Variants in DNAAF10 observed in about 807,000 individuals in gnomAD.
DNAAF10 encodes WD repeat domain 92.
In DNAAF10, 28 loss-of-function variants were observed where a neutral mutation model predicts 43.7. The observed-to-expected ratio is 0.64, with a 90% CI of 0.48 to 0.88. DNAAF10 has a LOEUF of 0.88. Among genes scored for constraint, DNAAF10 ranks in the 40% least tolerant of loss-of-function variants. The pLI, the probability that DNAAF10 is intolerant of heterozygous loss-of-function variation, is 0.00. For synonymous variants in DNAAF10, 156 were observed against 157.3 expected (o/e 0.99, Z 0.06); for missense variants, 403 against 439.1 (o/e 0.92, Z 0.73).
At chr2:68,155,772 A>G (rs983717101) in intron 1 of DNAAF10, among the ~76,000 whole-genome samples, 4 of 152,058 alleles carry the variant, frequency 2.6e-5, no homozygotes, top group Non-Finnish European at 5.9e-5. Flanking sequence ...GAAGGGCATC[A>G]TACATTAGAT....
rs1233788863 is a variant in DNAAF10, at chr2:68,157,168, G to A, written c.183+93C>T. 27 of 1,487,602 alleles carry A rather than the reference G, an allele frequency of 1.8e-5. No homozygotes were observed. The South Asian group carries it at 2.5e-4, about 14-fold the overall frequency. 92.2% of individuals were successfully genotyped at this position (1,487,602 alleles called of 1,614,324 possible). A position where few individuals can be genotyped will look rare whatever the true frequency, so the allele number is the denominator to read the frequency against. ...GCGCGGCTCAAGCCATGCTTTGGGG[G>A]ACGCTGGGCGAAGGCTCTGGCAAAG... On this transcript the variant is annotated intron_variant, in intron 1 of 7. Coordinates refer to ENST00000295121, the MANE Select transcript of DNAAF10 (RefSeq NM_138458.4).
chr2:68,143,487 T>C (rs1673240746), intron 3 of DNAAF10, among the ~76,000 whole-genome samples: 1 of 152,114 alleles, frequency 6.6e-6, no homozygotes, highest in Non-Finnish European at 1.5e-5. Flanking sequence ...CCAATAAATT[T>C]TTTAAAAAAT....
In DNAAF10 at chr2:68,131,454, A is replaced by C; in HGVS notation, c.867-9T>G. The stretch of plus-strand genomic sequence containing the variant: ...GCTGAATAGGGTATTCACTGAAAAC[A>C]AGATCAAAATGGTAAGAGCGCATAA... On this transcript the variant is annotated splice_polypyrimidine_tract_variant and intron_variant, in intron 7 of 7. Transcript: ENST00000295121. 6.2e-7 allele frequency: 1 copy of C among 1,613,336 alleles called. No individual in the cohort carries two copies.
chr2:68,134,746 G>C lies in DNAAF10; in HGVS notation c.822C>G (p.Leu274=), dbSNP rs1318341598. 6.2e-7 allele frequency: 1 copy of C among 1,609,460 alleles called. No homozygotes were observed. The change falls in exon 7 of 8, where the codon CTC becomes CTG. Residue 274 remains leucine, a synonymous_variant. Transcript: ENST00000295121. Reference sequence around the variant, plus strand: ...CGCCGGCGCCTCCAGCTGTCAGAAAGAGCTCCCTGTTCTGCGGCAGGTGTC... The same window carrying C: ...CGCCGGCGCCTCCAGCTGTCAGAAACAGCTCCCTGTTCTGCGGCAGGTGTC... ...QVRHLPQNRE[L]FLTAGGAGGL...
At position 68,133,847 on chromosome 2, in the gene DNAAF10, A is replaced by G. The variant is rs141126416; in HGVS notation, c.866+855T>C. Among the ~76,000 whole-genome samples, 803 of 152,326 alleles carry G rather than the reference A, an allele frequency of 5.3e-3. 9 individuals carry two copies. The highest frequency in any genetic ancestry group is 0.018 in the African/African-American group (764 of 41,572). On this transcript the variant is annotated intron_variant, in intron 7 of 7. Coordinates refer to ENST00000295121, the MANE Select transcript of DNAAF10 (RefSeq NM_138458.4). ...CTTTCCAACTGTAGCCCTGTTTTTC[A>G]GAACCCCTTCCAGCTTCTCAAAGGA... is the stretch of plus-strand genomic sequence containing the variant.
intron 6 of DNAAF10, among the ~76,000 whole-genome samples, chr2:68,136,220 GAA>G (rs1164483365): frequency 1.9e-5 from 1 of 52,642 alleles, no homozygotes; most frequent in African/African-American, 5.8e-5. Context: ...TCTGTCTCCA[GAA>G]AAAAAAAAAA....
chr2:68,155,466 C>T (rs1673573450), intron 1 of DNAAF10, among the ~76,000 whole-genome samples: 1 of 150,920 alleles, frequency 6.6e-6, no homozygotes, highest in Non-Finnish European at 1.5e-5. Flanking sequence ...TGCACTCAAG[C>T]TTGGGTGACA....
rs946155685 is a variant in DNAAF10 at position 68,154,270 on chromosome 2, G to A, written c.183+2991C>T. Among the ~76,000 whole-genome samples, 16 of 151,650 alleles carry A rather than the reference G, an allele frequency of 1.1e-4. No individual in the cohort carries two copies. The South Asian group carries it at 2.1e-3, about 20-fold the overall frequency. On this transcript the variant is annotated intron_variant, in intron 1 of 7. Transcript: ENST00000295121. Reference sequence around the variant, plus strand: ...TTTTTCTTTTTTTATTTTTTGAGACGGAGTCTTGCTCTGTCACCCACGCTG... The same window carrying A: ...TTTTTCTTTTTTTATTTTTTGAGACAGAGTCTTGCTCTGTCACCCACGCTG...
Position 68,137,392 on chromosome 2 carries a change from A to AC in DNAAF10, c.674_675insG (p.Asn225LysfsTer2). 6.2e-7 allele frequency: 1 copy of AC among 1,613,396 alleles called. No homozygotes were observed. Among genetic ancestry groups the AC allele is most frequent in the Non-Finnish European group, 8.5e-7 (1 of 1,179,692 alleles). The stretch of plus-strand genomic sequence containing the variant: ...CTTCCAGAGATGTGGCTACTAACTT[A>AC]TTCATACTTATGTCTTTTCTGTCAA... On this transcript the variant is annotated frameshift_variant, in exon 6 of 8. Coordinates refer to ENST00000295121, the MANE Select transcript of DNAAF10 (RefSeq NM_138458.4). LOFTEE classifies it high-confidence loss of function.
intron 1 of DNAAF10, among the ~76,000 whole-genome samples, chr2:68,151,325 T>C (rs1276516209): frequency 2.6e-5 from 4 of 152,208 alleles, no homozygotes; most frequent in African/African-American, 9.7e-5. Flanking sequence ...TTGAATTTGC[T>C]GTTCCCACTG....
intron 7 of DNAAF10, 65 bp from the exon 8 acceptor site, chr2:68,131,510 A>G: frequency 3.4e-6 from 5 of 1,468,194 alleles, no homozygotes; most frequent in South Asian, 2.3e-5. Flanking sequence ...ATTTTTATAC[A>G]TACACTTCAA....
At chr2:68,134,603 T>A in intron 7 of DNAAF10, 99 bp downstream of exon 7, 1 of 1,555,372 alleles carries the variant, frequency 6.4e-7, no homozygotes, top group Non-Finnish European at 8.6e-7. Flanking sequence ...CAAAATGAAC[T>A]AAGTCAAAGC....
Position 68,130,914 on chromosome 2 carries a change from CTTTTTTTTTT to C in DNAAF10, c.*314_*323del, listed in dbSNP as rs879114176. On this transcript the variant is annotated 3_prime_UTR_variant, in exon 8 of 8. Transcript: ENST00000295121. ...CTCTGGAAGGTTTCAAGTCCAAAGT[CTTTTTTTTTT>C]TTTTTTTTTTTGAGACAGTCTTGCT... The C allele has an allele frequency of 4.9e-5, 6 of 122,622 alleles. No individual in the cohort carries two copies. In the South Asian group the frequency reaches 1.1e-3, roughly 22 times the overall value. The allele number at this position is 122,622 out of a possible 1,614,324, so 7.6% of individuals were successfully genotyped here.
At position 68,134,712 on chromosome 2, in the gene DNAAF10, G is replaced by C; in HGVS notation, c.856C>G (p.Leu286Val). The change falls in exon 7 of 8, where the codon CTC becomes GTC. Residue 286 changes from leucine (L) to valine (V), a missense_variant. Leu to Val is a conservative substitution (Grantham distance 32). Coordinates refer to ENST00000295121, the MANE Select transcript of DNAAF10 (RefSeq NM_138458.4). ...CACTGGCAGACTTACTACTTCCAGA[G>C]GTGAAGGCCGCCGGCGCCTCCAGCT... The part of the protein sequence containing the change: ...LTAGGAGGLH[L>V]WKYEYPIQRS... 6.2e-7 allele frequency: 1 copy of C among 1,610,430 alleles called. No homozygotes were observed. Among genetic ancestry groups the C allele is most frequent in the Non-Finnish European group, 8.5e-7 (1 of 1,179,130 alleles).
intron 1 of DNAAF10, among the ~76,000 whole-genome samples, chr2:68,155,195 G>A (rs563862650): frequency 3.3e-5 from 5 of 151,202 alleles, no homozygotes; most frequent in African/African-American, 1.2e-4. Flanking sequence ...ATTTTTCTTC[G>A]AAAAAGGAAT....
intron 6 of DNAAF10, 144 bp from the exon 7 acceptor site, chr2:68,134,943 A>G (rs1424420580): frequency 7.0e-6 from 6 of 858,260 alleles, no homozygotes; most frequent in Non-Finnish European, 1.1e-5. Context: ...TCTCTTTATA[A>G]TGGCTATAGA....
chr2:68,157,281 C>T lies in DNAAF10; in HGVS notation c.163G>A (p.Asp55Asn), dbSNP rs1369216806. 3 of 1,613,854 alleles carry T rather than the reference C, an allele frequency of 1.9e-6. No homozygotes were observed. In the South Asian group the frequency reaches 3.3e-5, roughly 18 times the overall value. Residue 55 changes from aspartate to asparagine, a missense_variant, in exon 1 of 8, where the codon GAC (aspartate) becomes AAC (asparagine). Physicochemically the swap from Asp to Asn is conservative, Grantham distance 23. Transcript: ENST00000295121. Reference sequence around the variant, plus strand: ...CCCACCTCCCGAAGCAGCTTCAGGTCCCCGTGCTGGATCTCGTACAGCTGA... The same window carrying T: ...CCCACCTCCCGAAGCAGCTTCAGGTTCCCGTGCTGGATCTCGTACAGCTGA... Reference protein sequence around the residue: ...VIQLYEIQHGDLKLLREIEKA... With the variant: ...VIQLYEIQHGNLKLLREIEKA...
chr2:68,141,692 A>C lies in DNAAF10; in HGVS notation c.517+2T>G. 1 of 1,610,370 alleles carries C rather than the reference A, an allele frequency of 6.2e-7. No individual in the cohort carries two copies. Among genetic ancestry groups the C allele is most frequent in the Non-Finnish European group, 8.5e-7 (1 of 1,178,754 alleles). On this transcript the variant is annotated splice_donor_variant, in intron 4 of 7. Coordinates refer to ENST00000295121, the MANE Select transcript of DNAAF10 (RefSeq NM_138458.4). LOFTEE classifies it high-confidence loss of function. The stretch of plus-strand genomic sequence containing the variant: ...AAATGCAAGAATTCTTCAATAATTT[A>C]CCAAATGCCACAGTCCAACAGTCTC...
At chr2:68,141,638 G>A in intron 4 of DNAAF10, 56 bp downstream of exon 4, 1 of 1,512,912 alleles carries the variant, frequency 6.6e-7, no homozygotes, top group Non-Finnish European at 9.2e-7. Flanking sequence ...ATTTCTTGCA[G>A]CATCGTGCTT....
Sources: gnomAD v4.1 joint callset for allele counts (sites outside exome capture counted in the v4.1 genomes callset) on GRCh38, gnomAD v4.1.1 for gene constraint, MANE v1.5 for transcripts, NCBI Gene and HGNC (gene_info 2026-07-23, HGNC 2026-07-21) for gene names.